ZCCHC7: variants seen among roughly 807,000 people sequenced by gnomAD.
ZCCHC7 encodes zinc finger CCHC domain-containing protein 7.
Under a neutral mutation model 52.0 loss-of-function variants are expected in ZCCHC7, and 35 were observed. The ratio of observed to expected loss-of-function variants is 0.67; its 90% CI spans 0.51 to 0.89. The LOEUF (loss-of-function observed/expected upper bound fraction) is 0.89. Among genes scored for constraint, ZCCHC7 ranks in the 40% least tolerant of loss-of-function variants. The probability of loss-of-function intolerance (pLI) is 0.00; values close to 1 mark genes in which losing one functional copy is unlikely to be tolerated. For missense variants in ZCCHC7, 574 were observed against 649.1 expected (o/e 0.88, Z 1.26); for synonymous variants, 217 against 221.5 (o/e 0.98, Z 0.18).
chr9:37,350,881 A>C (rs78484650), intron 7 of ZCCHC7, among the ~76,000 whole-genome samples: 7,876 of 152,318 alleles, frequency 0.052, 661 homozygotes, highest in African/African-American at 0.18. Context: ...GTAGGCTTCT[A>C]GTAGCCTAGA....
chr9:37,177,532 T>C (rs1465581761), intron 2 of ZCCHC7, among the ~76,000 whole-genome samples: 3 of 152,048 alleles, frequency 2.0e-5, no homozygotes, highest in Non-Finnish European at 4.4e-5. Context: ...TGAAAAACTA[T>C]CACTTTCAAC....
At chr9:37,178,929 A>C (rs898900168) in intron 2 of ZCCHC7, among the ~76,000 whole-genome samples, 1 of 152,218 alleles carries the variant, frequency 6.6e-6, no homozygotes, top group Non-Finnish European at 1.5e-5. Flanking sequence ...TTATTTTGCA[A>C]ATCAGCATAA....
At chr9:37,266,937 C>A (rs1827132628) in intron 2 of ZCCHC7, among the ~76,000 whole-genome samples, 1 of 152,168 alleles carries the variant, frequency 6.6e-6, no homozygotes, top group African/African-American at 2.4e-5. Flanking sequence ...TAACTTGAGA[C>A]TTTTCCCATG....
At chr9:37,148,398 CAG>C (rs1181972186) in intron 2 of ZCCHC7, among the ~76,000 whole-genome samples, 8 of 151,940 alleles carry the variant, frequency 5.3e-5, no homozygotes, top group Admixed American at 2.0e-4. Flanking sequence ...AGGTGTGTGT[CAG>C]GGGAGATAAG....
At position 37,163,491 on chromosome 9, in the gene ZCCHC7, C is replaced by T. The variant is rs537999037; in HGVS notation, c.610+36549C>T. ...GCAGCAGATGAGATTTTCAGTTCCT[C>T]CAAATCCTTGCTAACCCTACGAACA... is the stretch of plus-strand genomic sequence containing the variant. On this transcript the variant is annotated intron_variant, in intron 2 of 8. Coordinates refer to ENST00000336755, the MANE Select transcript of ZCCHC7 (RefSeq NM_032226.3). Among the ~76,000 whole-genome samples the T allele has an allele frequency of 9.3e-4, 141 of 152,184 alleles. 1 individual carries two copies. The highest frequency in any genetic ancestry group is 1.8e-3 in the Non-Finnish European group (121 of 68,012).
chr9:37,134,898 G>A (rs1842936635), intron 2 of ZCCHC7, among the ~76,000 whole-genome samples: 1 of 151,948 alleles, frequency 6.6e-6, no homozygotes, highest in Admixed American at 6.6e-5. Flanking sequence ...GCTAATTTTT[G>A]TATTTTTAGT....
intron 2 of ZCCHC7, among the ~76,000 whole-genome samples, chr9:37,199,767 G>A (rs962529727): frequency 4.6e-5 from 7 of 151,386 alleles, no homozygotes; most frequent in Non-Finnish European, 8.8e-5. Flanking sequence ...GTGCAGTGGC[G>A]CGATCTCGGC....
chr9:37,212,172 G>T (rs555345591), intron 2 of ZCCHC7, among the ~76,000 whole-genome samples: 5 of 151,856 alleles, frequency 3.3e-5, no homozygotes, highest in Admixed American at 1.3e-4. Flanking sequence ...CTGGGGAGGC[G>T]GAGGAGGCAC....
intron 5 of ZCCHC7, among the ~76,000 whole-genome samples, chr9:37,321,375 C>T (rs1219105135): frequency 6.6e-6 from 1 of 152,076 alleles, no homozygotes; most frequent in African/African-American, 2.4e-5. Flanking sequence ...GTGATCCTCC[C>T]ACCTCAGTCT....
intron 6 of ZCCHC7, among the ~76,000 whole-genome samples, chr9:37,329,430 T>C: frequency 6.6e-6 from 1 of 152,012 alleles, no homozygotes; most frequent in Non-Finnish European, 1.5e-5. Flanking sequence ...AATTACAATA[T>C]ATTCTATTTA....
chr9:37,169,758 A>G lies in ZCCHC7; in HGVS notation c.610+42816A>G, dbSNP rs535706391. Among the ~76,000 whole-genome samples, 27 of 152,240 alleles carry G rather than the reference A, an allele frequency of 1.8e-4. 1 individual carries two copies. In the South Asian group the frequency reaches 3.1e-3, roughly 18 times the overall value. On this transcript the variant is annotated intron_variant, in intron 2 of 8. Transcript: ENST00000336755. Reference sequence around the variant, plus strand: ...TTTCTCATTGATTTTAATTATTGCTATGTTCCTTTTGAAAATTTTTTGGCT... The same window carrying G: ...TTTCTCATTGATTTTAATTATTGCTGTGTTCCTTTTGAAAATTTTTTGGCT...
intron 2 of ZCCHC7, among the ~76,000 whole-genome samples, chr9:37,248,024 A>T (rs772728635): frequency 1.5e-4 from 23 of 152,096 alleles, no homozygotes; most frequent in Non-Finnish European, 3.1e-4. Flanking sequence ...TTGCCTATTT[A>T]TTCCTATTTA....
At chr9:37,203,793 A>G (rs894523404) in intron 2 of ZCCHC7, among the ~76,000 whole-genome samples, 4 of 152,178 alleles carry the variant, frequency 2.6e-5, no homozygotes, top group African/African-American at 9.7e-5. Context: ...TTTATAACAC[A>G]GTGATTTATA....
chr9:37,256,206 C>A (rs576670869), intron 2 of ZCCHC7, among the ~76,000 whole-genome samples: 1 of 152,056 alleles, frequency 6.6e-6, no homozygotes, highest in African/African-American at 2.4e-5. Flanking sequence ...GTTTTTTTCC[C>A]CAGATTGTCA....
intron 2 of ZCCHC7, among the ~76,000 whole-genome samples, chr9:37,144,734 T>C (rs766342822): frequency 6.6e-5 from 10 of 152,006 alleles, no homozygotes; most frequent in Non-Finnish European, 1.3e-4. Flanking sequence ...TGTTCTTTCT[T>C]GTACTTTTGT....
chr9:37,323,569 C>T (rs939441273), intron 5 of ZCCHC7, among the ~76,000 whole-genome samples: 8 of 152,156 alleles, frequency 5.3e-5, no homozygotes, highest in African/African-American at 1.4e-4. Flanking sequence ...TTGCCACTTA[C>T]ATCTTGTATG....
At position 37,130,814 on chromosome 9, in the gene ZCCHC7, G is replaced by A. The variant is rs187040211; in HGVS notation, c.610+3872G>A. ...TCTGGCCAGAAATCTCTTAACCATG[G>A]GAGTTAAGTCTCAAAATTCTGGTGA... On this transcript the variant is annotated intron_variant, in intron 2 of 8. Coordinates refer to ENST00000336755, the MANE Select transcript of ZCCHC7 (RefSeq NM_032226.3). 3.4e-4 allele frequency among the ~76,000 whole-genome samples: 52 copies of A among 151,736 alleles called. No homozygotes were observed. In the East Asian group the frequency reaches 0.01, roughly 30 times the overall value.
intron 2 of ZCCHC7, among the ~76,000 whole-genome samples, chr9:37,158,817 TG>T (rs1820945124): frequency 1.3e-5 from 2 of 152,224 alleles, no homozygotes; most frequent in South Asian, 4.1e-4. Flanking sequence ...GTTTACAACC[TG>T]GTTTGCAAGT....
At chr9:37,346,995 A>G (rs540593177) in intron 6 of ZCCHC7, among the ~76,000 whole-genome samples, 149 of 150,588 alleles carry the variant, frequency 9.9e-4, no homozygotes, top group African/African-American at 3.6e-3. Flanking sequence ...GACCCTGTCC[A>G]AAAAAAAAAT....
Sources: gnomAD v4.1 joint callset for allele counts (sites outside exome capture counted in the v4.1 genomes callset) on GRCh38, gnomAD v4.1.1 for gene constraint, MANE v1.5 for transcripts, NCBI Gene and HGNC (gene_info 2026-07-23, HGNC 2026-07-21) for gene names.